The following CFAP97 variants were observed in gnomAD, a reference collection of about 807,000 sequenced individuals.
CFAP97 encodes the protein cilia and flagella associated protein 97, also known as cilia- and flagella-associated protein 97.
In CFAP97, 36 loss-of-function variants were observed where a neutral mutation model predicts 43.1. The ratio of observed to expected loss-of-function variants is 0.84; its 90% confidence interval spans 0.64 to 1.10. The LOEUF is 1.10. Among genes scored for constraint, CFAP97 ranks in the 50% least tolerant of loss-of-function variants. The pLI is 0.00. For synonymous variants in CFAP97, 228 were observed against 225.7 expected (o/e 1.01, Z -0.09); for missense variants, 657 against 620.3 (o/e 1.06, Z -0.63).
chr4:185,182,702 T>C (rs901709599), intron 2 of CFAP97, among the ~76,000 whole-genome samples: 2 of 152,368 alleles, frequency 1.3e-5, no homozygotes, highest in East Asian at 1.9e-4. Context: ...GGTTCAACAC[T>C]GTCTCGTCAT....
chr4:185,197,456 C>G (rs2111414089), intron 1 of CFAP97, among the ~76,000 whole-genome samples: 1 of 149,794 alleles, frequency 6.7e-6, no homozygotes, highest in African/African-American at 2.5e-5. Context: ...GACAGAGTCT[C>G]TCTGAGTCTC....
intron 3 of CFAP97, among the ~76,000 whole-genome samples, chr4:185,175,467 G>A (rs2111342330): frequency 6.6e-6 from 1 of 152,000 alleles, no homozygotes; most frequent in South Asian, 2.1e-4. Flanking sequence ...GTAGAGCTGG[G>A]GTTTTGCCAG....
intron 2 of CFAP97, among the ~76,000 whole-genome samples, chr4:185,180,436 C>T (rs74632109): frequency 0.038 from 5,806 of 152,252 alleles, 381 homozygotes; most frequent in African/African-American, 0.13. Context: ...TTGCTCCCTT[C>T]CCTTCGCCTC....
chr4:185,185,351 C>T lies in CFAP97; in HGVS notation c.1054+4792G>A, dbSNP rs531706884. ...TATGTTATTACACAATATTAGTGAG[C>T]AATCTGCATTATCTCATGATATTTT... On this transcript the variant is annotated intron_variant, in intron 2 of 4. Transcript: ENST00000458385. 2.0e-5 allele frequency among the ~76,000 whole-genome samples: 3 copies of T among 152,242 alleles called. 1 individual carries two copies. The highest frequency in any genetic ancestry group is 4.8e-5 in the African/African-American group (2 of 41,548).
At chr4:185,174,252 T>G (rs1735428315) in intron 3 of CFAP97, among the ~76,000 whole-genome samples, 2 of 152,222 alleles carry the variant, frequency 1.3e-5, no homozygotes, top group Admixed American at 1.3e-4. Context: ...TCCCATATGT[T>G]TTTGACATAC....
Position 185,194,085 on chromosome 4 carries a change from T to A in CFAP97, c.-16-2873A>T, listed in dbSNP as rs534693995. ...ATTGGAACACAGCCCCACTGATGGGTATATGTATTGTCTCCCCCAGCTTTC... is the reference window on the plus strand; with the variant it reads ...ATTGGAACACAGCCCCACTGATGGGAATATGTATTGTCTCCCCCAGCTTTC... On this transcript the variant is annotated intron_variant, in intron 1 of 4. Coordinates refer to ENST00000458385, the MANE Select transcript of CFAP97 (RefSeq NM_020827.3). 4.6e-5 allele frequency among the ~76,000 whole-genome samples: 7 copies of A among 152,232 alleles called. No individual in the cohort carries two copies. In the South Asian group the frequency reaches 6.2e-4, roughly 14 times the overall value.
chr4:185,172,171 ACT>A (rs1321349659), intron 3 of CFAP97, among the ~76,000 whole-genome samples: 4 of 152,154 alleles, frequency 2.6e-5, no homozygotes, highest in Non-Finnish European at 4.4e-5. Flanking sequence ...GGATAAAAAC[ACT>A]CTATTGGATA....
intron 1 of CFAP97, among the ~76,000 whole-genome samples, chr4:185,201,887 G>A (rs925477502): frequency 1.3e-5 from 2 of 152,098 alleles, no homozygotes; most frequent in African/African-American, 2.4e-5. Flanking sequence ...TTTAAACACC[G>A]TATAGAAACT....
chr4:185,170,318 C>A, intron 3 of CFAP97: 2 of 617,722 alleles, frequency 3.2e-6, no homozygotes, highest in South Asian at 1.9e-5. Flanking sequence ...TGCACTCCAG[C>A]CTGGGTGACA....
At chr4:185,204,428 G>C (rs980379329), upstream of CFAP97, 1 of 152,264 alleles carries the variant, frequency 6.6e-6, no homozygotes, top group African/African-American at 2.4e-5. Context: ...ACCAGAGGCT[G>C]GTTTCAGAAT....
intron 3 of CFAP97, chr4:185,169,801 C>A: frequency 1.0e-6 from 1 of 985,464 alleles, no homozygotes; most frequent in Non-Finnish European, 1.2e-6. Context: ...GACGACTGCT[C>A]TCTACATTTC....
rs757399672 is a variant in CFAP97 at position 185,164,062 on chromosome 4, C to A, written c.1438G>T (p.Ala480Ser). ...CTATATTGGCCAAGAGTGGATCTGG[C>A]CCGTCTTGACAATGGTGATGAGTTG... ...YLNSSPLSRR[A>S]RSTLGQYSPL... Residue 480 changes from alanine (A) to serine (S), a missense_variant, in exon 4 of 5, where the codon GCC (alanine) becomes TCC (serine). Transcript: ENST00000458385. The A allele has an allele frequency of 3.0e-5, 49 of 1,613,798 alleles. No homozygotes were observed. The highest frequency in any genetic ancestry group is 3.9e-5 in the Non-Finnish European group (46 of 1,179,868).
At chr4:185,208,446 G>A (rs1325307787), upstream of CFAP97, among the ~76,000 whole-genome samples, 2 of 152,082 alleles carry the variant, frequency 1.3e-5, no homozygotes, top group Non-Finnish European at 2.9e-5. Flanking sequence ...AGAATGAAAT[G>A]AGGCCGGGCG....
At chr4:185,196,663 T>C (rs1009566739) in intron 1 of CFAP97, among the ~76,000 whole-genome samples, 1 of 152,154 alleles carries the variant, frequency 6.6e-6, no homozygotes, top group Admixed American at 6.5e-5. Flanking sequence ...TAATGTACTA[T>C]GATACATAAA....
intron 1 of CFAP97, among the ~76,000 whole-genome samples, chr4:185,193,540 G>T (rs1461124349): frequency 2.0e-5 from 3 of 152,174 alleles, no homozygotes; most frequent in Non-Finnish European, 4.4e-5. Flanking sequence ...CAGCTACTCA[G>T]GAGGCTGAGG....
intron 3 of CFAP97, chr4:185,170,446 G>A (rs1353735236): frequency 2.6e-6 from 1 of 389,544 alleles, no homozygotes; most frequent in Non-Finnish European, 4.6e-6. Flanking sequence ...TTTTGCTCTT[G>A]TTGCCCAGGC....
At chr4:185,192,157 C>A (rs1185077394) in intron 1 of CFAP97, among the ~76,000 whole-genome samples, 1 of 152,174 alleles carries the variant, frequency 6.6e-6, no homozygotes, top group Non-Finnish European at 1.5e-5. Flanking sequence ...TTCCCCATCC[C>A]TTCTTTAAGA....
chr4:185,181,961 T>C (rs1735809380), intron 2 of CFAP97, among the ~76,000 whole-genome samples: 1 of 152,190 alleles, frequency 6.6e-6, no homozygotes, highest in African/African-American at 2.4e-5. Flanking sequence ...TTGGTATCAC[T>C]TTAGCAAAAA....
chr4:185,166,490 A>G (rs1296158843), intron 3 of CFAP97, among the ~76,000 whole-genome samples: 1 of 152,186 alleles, frequency 6.6e-6, no homozygotes, highest in Admixed American at 6.5e-5. Context: ...AGACGTCTCA[A>G]TGTCTATTAA....
Sources: gnomAD v4.1 joint callset for allele counts (sites outside exome capture counted in the v4.1 genomes callset) on GRCh38, gnomAD v4.1.1 for gene constraint, MANE v1.5 for transcripts, NCBI Gene and HGNC (gene_info 2026-07-23, HGNC 2026-07-21) for gene names.